SIPA1L1: variants seen among roughly 807,000 people sequenced by gnomAD.
SIPA1L1 encodes the protein signal-induced proliferation-associated 1-like protein 1.
SIPA1L1 carries 26 observed loss-of-function variants against 162.7 expected under a neutral mutation model. That is an observed-to-expected ratio of 0.16 (90% CI 0.12 to 0.22). The LOEUF (loss-of-function observed/expected upper bound fraction) is 0.22, where lower values mean the gene tolerates loss of function less well. Among genes scored for constraint, SIPA1L1 ranks in the 10% least tolerant of loss-of-function variants. The probability of loss-of-function intolerance (pLI) is 1.00; values close to 1 mark genes in which losing one functional copy is unlikely to be tolerated. For missense variants in SIPA1L1, 1,874 were observed against 2,241.0 expected (o/e 0.84, Z 3.31); for synonymous variants, 829 against 837.4 (o/e 0.99, Z 0.17).
intron 17 of SIPA1L1, 38 bp from the exon 18 acceptor site, chr14:71,723,609 T>C: frequency 1.2e-6 from 2 of 1,610,654 alleles, no homozygotes; most frequent in Non-Finnish European, 1.7e-6. Flanking sequence ...GACATAATGA[T>C]CCTGAGATAC....
intron 4 of SIPA1L1, among the ~76,000 whole-genome samples, chr14:71,544,945 C>T (rs559273278): frequency 6.6e-6 from 1 of 152,150 alleles, no homozygotes; most frequent in African/African-American, 2.4e-5. Flanking sequence ...TCACTGCAGC[C>T]TTGAATCCCT....
intron 3 of SIPA1L1, among the ~76,000 whole-genome samples, chr14:71,521,175 A>C (rs567628473): frequency 6.6e-6 from 1 of 152,224 alleles, no homozygotes; most frequent in Non-Finnish European, 1.5e-5. Flanking sequence ...TTTTCTTTCC[A>C]ATGGCTAGGT....
intron 4 of SIPA1L1, among the ~76,000 whole-genome samples, chr14:71,554,430 G>T (rs540277131): frequency 5.9e-5 from 9 of 152,218 alleles, no homozygotes; most frequent in African/African-American, 2.2e-4. Flanking sequence ...AAATGTATCT[G>T]CTTTTCTGAT....
At chr14:71,330,583 C>T (rs561006713) in intron 2 of SIPA1L1, 2 of 1,106,040 alleles carry the variant, frequency 1.8e-6, no homozygotes, top group African/African-American at 1.5e-5. Flanking sequence ...GATGTTAAAT[C>T]CCAACTGAGC....
chr14:71,618,635 G>A, intron 5 of SIPA1L1, 122 bp from the exon 6 acceptor site: 1 of 864,516 alleles, frequency 1.2e-6, no homozygotes, highest in Non-Finnish European at 1.7e-6. Flanking sequence ...ATTAATATTT[G>A]TTAAATGTTT....
intron 2 of SIPA1L1, among the ~76,000 whole-genome samples, chr14:71,375,161 A>T (rs1202218074): frequency 6.6e-6 from 1 of 151,954 alleles, no homozygotes; most frequent in Non-Finnish European, 1.5e-5. Flanking sequence ...GTTGGTTCTG[A>T]GCTGCTTGCT....
rs188512189 is a variant in SIPA1L1 at position 71,443,644 on chromosome 14, A to G, written c.-464-69099A>G. On this transcript the variant is annotated intron_variant, in intron 2 of 23. Transcript: ENST00000381232. Reference sequence around the variant, plus strand: ...CTCTGCCTTGATGGAATTATTTTTCATGATGGTAATGAGCTTGTGTTATGC... The same window carrying G: ...CTCTGCCTTGATGGAATTATTTTTCGTGATGGTAATGAGCTTGTGTTATGC... Among the ~76,000 whole-genome samples the G allele has an allele frequency of 1.1e-4, 16 of 152,306 alleles. No individual in the cohort carries two copies. In the East Asian group the frequency reaches 3.1e-3, roughly 29 times the overall value.
chr14:71,405,932 A>AAG (rs2041999438), intron 2 of SIPA1L1, among the ~76,000 whole-genome samples: 1 of 152,216 alleles, frequency 6.6e-6, no homozygotes, highest in South Asian at 2.1e-4. Context: ...GGGGAATAGT[A>AAG]AGATGTAGTT....
At chr14:71,358,574 C>G (rs2037500203) in intron 2 of SIPA1L1, among the ~76,000 whole-genome samples, 1 of 152,222 alleles carries the variant, frequency 6.6e-6, no homozygotes, top group African/African-American at 2.4e-5. Flanking sequence ...AGCCCACCTG[C>G]CCTCCATTCA....
At position 71,404,514 on chromosome 14, in the gene SIPA1L1, A is replaced by G. The variant is rs555232948; in HGVS notation, c.-465+83333A>G. On this transcript the variant is annotated intron_variant, in intron 2 of 23. Transcript: ENST00000381232. ...AGAAGAGATTGCACCACCGCACTGCACTCCAGCCTGGGCTACAGAGCCCAA... is the reference window on the plus strand; with the variant it reads ...AGAAGAGATTGCACCACCGCACTGCGCTCCAGCCTGGGCTACAGAGCCCAA... Among the ~76,000 whole-genome samples, 4 of 152,282 alleles carry G rather than the reference A, an allele frequency of 2.6e-5. No homozygotes were observed. The East Asian group carries it at 5.8e-4, about 22-fold the overall frequency.
At position 71,590,044 on chromosome 14, in the gene SIPA1L1, AATATATATAT is replaced by A. The variant is rs58833289; in HGVS notation, c.1498+697_1498+706del. ...AGTAAAAAAAAAAAAAAAAAAAAAAAATATATATATATATATATATATATATATATATGTA... is the reference window on the plus strand; with the variant it reads ...AGTAAAAAAAAAAAAAAAAAAAAAAAATATATATATATATATATATATGTA... On this transcript the variant is annotated intron_variant, in intron 5 of 23. Coordinates refer to ENST00000381232, the MANE Select transcript of SIPA1L1 (RefSeq NM_001386936.1). 8.7e-3 allele frequency among the ~76,000 whole-genome samples: 516 copies of A among 59,482 alleles called. 3 individuals carry two copies. Among genetic ancestry groups the A allele is most frequent in the South Asian group, 0.033 (57 of 1,748 alleles). The allele number at this position is 59,482 out of a possible 152,430, so 39.0% of individuals were successfully genotyped here. A position where few individuals can be genotyped will look rare whatever the true frequency, so the allele number is the denominator to read the frequency against.
intron 2 of SIPA1L1, among the ~76,000 whole-genome samples, chr14:71,382,969 T>C (rs1258557746): frequency 6.6e-6 from 1 of 152,044 alleles, no homozygotes; most frequent in East Asian, 1.9e-4. Context: ...CCCCAATGAA[T>C]AGAGGGAGTG....
chr14:71,552,642 C>T (rs375916818), intron 4 of SIPA1L1, among the ~76,000 whole-genome samples: 3 of 152,082 alleles, frequency 2.0e-5, no homozygotes, highest in Middle Eastern at 3.4e-3. Flanking sequence ...GTGATCCGCC[C>T]GCCTCGGCCT....
At chr14:71,636,887 C>G (rs928781833) in intron 7 of SIPA1L1, among the ~76,000 whole-genome samples, 1 of 151,840 alleles carries the variant, frequency 6.6e-6, no homozygotes, top group African/African-American at 2.4e-5. Flanking sequence ...CACGACTCTA[C>G]TAAACATACA....
chr14:71,484,890 A>G (rs2048629250), intron 2 of SIPA1L1, among the ~76,000 whole-genome samples: 1 of 152,246 alleles, frequency 6.6e-6, no homozygotes, highest in Non-Finnish European at 1.5e-5. Flanking sequence ...CTAGCTTTAA[A>G]CAAAACCTAT....
chr14:71,704,697 G>A (rs753413938), intron 15 of SIPA1L1: 1 of 1,590,762 alleles, frequency 6.3e-7, no homozygotes, highest in East Asian at 2.2e-5. Context: ...ACTAGTTGCT[G>A]TGTGTCTTTT....
chr14:71,322,641 A>G (rs1005141839), intron 2 of SIPA1L1, among the ~76,000 whole-genome samples: 1 of 152,252 alleles, frequency 6.6e-6, no homozygotes, highest in African/African-American at 2.4e-5. Context: ...TTAACAGTGC[A>G]TTTAAAATGA....
chr14:71,711,896 C>T (rs2082900278), intron 17 of SIPA1L1, among the ~76,000 whole-genome samples: 1 of 152,164 alleles, frequency 6.6e-6, no homozygotes, highest in African/African-American at 2.4e-5. Flanking sequence ...GCTTCTCACC[C>T]ACTCATTTGA....
intron 2 of SIPA1L1, among the ~76,000 whole-genome samples, chr14:71,478,912 C>T (rs1036507857): frequency 6.6e-6 from 1 of 151,918 alleles, no homozygotes; most frequent in Non-Finnish European, 1.5e-5. Context: ...CCGCTGTCCA[C>T]CACCACCTTG....
Sources: allele counts gnomAD v4.1 joint callset (sites outside exome capture counted in the v4.1 genomes callset), GRCh38; gene constraint gnomAD v4.1.1; transcripts MANE v1.5; gene names NCBI Gene and HGNC (gene_info 2026-07-23, HGNC 2026-07-21).